Variants in EPB41L2 observed in about 807,000 individuals in gnomAD.
The protein encoded by EPB41L2 is band 4.1-like protein 2.
Under a neutral mutation model 113.0 loss-of-function variants are expected in EPB41L2, and 43 were observed. The ratio of observed to expected loss-of-function variants is 0.38; its 90% confidence interval spans 0.30 to 0.49. The LOEUF (loss-of-function observed/expected upper bound fraction) is 0.49, where lower values mean the gene tolerates loss of function less well. Ranked by LOEUF, EPB41L2 falls within the 20% of genes least tolerant of loss-of-function variation. EPB41L2 has a pLI of 0.95. For synonymous variants in EPB41L2, 442 were observed against 436.7 expected, an observed-to-expected ratio of 1.01 and a Z score of -0.15; for missense variants, 1,147 against 1,223.4, an observed-to-expected ratio of 0.94 and a Z score of 0.93.
chr6:131,058,873 G>A (rs1260025852), intron 1 of EPB41L2, among the ~76,000 whole-genome samples: 6 of 152,114 alleles, frequency 3.9e-5, no homozygotes, highest in Non-Finnish European at 5.9e-5. Flanking sequence ...AAAATTAGCC[G>A]GGCATGGTGG....
intron 1 of EPB41L2, among the ~76,000 whole-genome samples, chr6:131,014,905 G>A (rs1323768381): frequency 7.9e-5 from 12 of 152,102 alleles, no homozygotes; most frequent in African/African-American, 1.7e-4. Flanking sequence ...GAAGAAATCC[G>A]GAAAGCAAAC....
chr6:130,884,162 C>T (rs2128470287), intron 12 of EPB41L2, among the ~76,000 whole-genome samples: 1 of 152,046 alleles, frequency 6.6e-6, no homozygotes, highest in East Asian at 1.9e-4. Context: ...CGGTGAAACC[C>T]CGTCTCTCTA....
rs144287232 is a variant in EPB41L2 at position 130,924,536 on chromosome 6, G to C, written c.810+2069C>G. 8.9e-4 allele frequency among the ~76,000 whole-genome samples: 135 copies of C among 152,130 alleles called. 2 individuals carry two copies. The East Asian group carries it at 0.021, about 24-fold the overall frequency. On this transcript the variant is annotated intron_variant, in intron 4 of 19. Transcript: ENST00000337057. ...TGGGACTACAGGCGCATGCCACCATGCCCGACTAATTTTTGTATTTTTAAT... is the reference window on the plus strand; with the variant it reads ...TGGGACTACAGGCGCATGCCACCATCCCCGACTAATTTTTGTATTTTTAAT...
At chr6:130,907,656 C>T (rs1489268636) in intron 5 of EPB41L2, among the ~76,000 whole-genome samples, 1 of 151,626 alleles carries the variant, frequency 6.6e-6, no homozygotes, top group African/African-American at 2.4e-5. Context: ...AAGGTATATG[C>T]TCAGAATAAA....
chr6:130,844,556 C>T (rs1776419983), intron 19 of EPB41L2, among the ~76,000 whole-genome samples: 1 of 151,316 alleles, frequency 6.6e-6, no homozygotes, highest in African/African-American at 2.4e-5. Context: ...GGCCACAGAG[C>T]AAGACTGTCT....
chr6:130,954,036 C>CTTTTTTTTTTTTTTTTTTTTTTT (rs1816328530), intron 3 of EPB41L2, among the ~76,000 whole-genome samples: 2 of 45,524 alleles, frequency 4.4e-5, no homozygotes, highest in East Asian at 5.2e-4. Flanking sequence ...TAGTCCTTTT[C>CTTTTTTTTTTTTTTTTTTTTTTT]TTTCTTTTTT....
Position 130,869,963 on chromosome 6 carries a change from G to C in EPB41L2, c.2207C>G (p.Ser736Cys). Residue 736 changes from serine to cysteine, a missense_variant, in exon 15 of 20, where the codon TCC (serine) becomes TGC (cysteine). By Grantham distance (112) the Ser-to-Cys change is moderately radical. Coordinates refer to ENST00000337057, the MANE Select transcript of EPB41L2 (RefSeq NM_001431.4). Reference sequence around the variant, plus strand: ...GCTGCTGCTGCTCTCAGAAGACAGGGAGGTGGAGTCTTTTTGTGTCACAGG... The same window carrying C: ...GCTGCTGCTGCTCTCAGAAGACAGGCAGGTGGAGTCTTTTTGTGTCACAGG... The part of the protein sequence containing the change: ...VEPVTQKDST[S>C]LSSESSSSSS... 4 of 1,613,620 alleles carry C rather than the reference G, an allele frequency of 2.5e-6. No homozygotes were observed. The highest frequency in any genetic ancestry group is 3.4e-6 in the Non-Finnish European group (4 of 1,180,020).
At chr6:130,916,013 G>A (rs1352366474) in intron 4 of EPB41L2, among the ~76,000 whole-genome samples, 1 of 152,178 alleles carries the variant, frequency 6.6e-6, no homozygotes. Flanking sequence ...TCCAATTTTA[G>A]ATTACTATTT....
chr6:130,906,753 T>C (rs1797845820), intron 5 of EPB41L2, among the ~76,000 whole-genome samples: 1 of 152,184 alleles, frequency 6.6e-6, no homozygotes, highest in African/African-American at 2.4e-5. Context: ...AATAAAATTA[T>C]AGCAGACACC....
Position 130,877,986 on chromosome 6 carries a change from T to C in EPB41L2, c.2043+118A>G, listed in dbSNP as rs1051582370. 2.6e-5 allele frequency: 27 copies of C among 1,056,662 alleles called. No individual in the cohort carries two copies. The East Asian group carries it at 8.1e-4, about 32-fold the overall frequency. The allele number at this position is 1,056,662 out of a possible 1,614,324, so 65.5% of individuals were successfully genotyped here. On this transcript the variant is annotated intron_variant, in intron 14 of 19. Transcript: ENST00000337057. ...ATTTACAAAATTGTTAGTAATTACA[T>C]AAAAATAATTAAATGGGAACATTTT...
rs1163345890 is a variant in EPB41L2, at chr6:130,869,800, C to A, written c.2370G>T (p.Arg790Ser). Residue 790 changes from arginine to serine, a missense_variant, in exon 15 of 20, where the codon AGG becomes AGT. Coordinates refer to ENST00000337057, the MANE Select transcript of EPB41L2 (RefSeq NM_001431.4). ...EPRPAAKVVEREEAVPEASPV... is the reference protein window; with the variant it reads ...EPRPAAKVVESEEAVPEASPV... ...GGCTGGCTTCGGGCACTGCTTCCTC[C>A]CTCTCTACTACCTTGGCTGCCGGGC... 6.2e-7 allele frequency: 1 copy of A among 1,613,914 alleles called. No individual in the cohort carries two copies. Among genetic ancestry groups the A allele is most frequent in the Non-Finnish European group, 8.5e-7 (1 of 1,180,010 alleles).
intron 5 of EPB41L2, among the ~76,000 whole-genome samples, 199 bp downstream of exon 5, chr6:130,908,622 A>C (rs1583322601): frequency 1.3e-5 from 2 of 152,328 alleles, no homozygotes; most frequent in Admixed American, 1.3e-4. Flanking sequence ...TAGGAATGTG[A>C]GTCTAGAACC....
intron 1 of EPB41L2, among the ~76,000 whole-genome samples, chr6:131,040,090 G>A (rs899427928): frequency 3.3e-5 from 5 of 152,184 alleles, no homozygotes; most frequent in Admixed American, 6.5e-5. Context: ...TCTAGAGACT[G>A]GTTGCACAAC....
At chr6:130,845,843 G>A (rs561402485) in intron 19 of EPB41L2, among the ~76,000 whole-genome samples, 5 of 152,142 alleles carry the variant, frequency 3.3e-5, no homozygotes, top group Non-Finnish European at 7.3e-5. Context: ...GTATGCACAC[G>A]CCATTCCCGC....
chr6:130,990,178 G>A (rs1319477995), intron 1 of EPB41L2, among the ~76,000 whole-genome samples: 2 of 152,020 alleles, frequency 1.3e-5, no homozygotes, highest in South Asian at 2.1e-4. Flanking sequence ...AAAATTGGCC[G>A]AGTGTGGTGG....
chr6:131,027,672 C>T (rs909837642), intron 1 of EPB41L2, among the ~76,000 whole-genome samples: 1 of 152,272 alleles, frequency 6.6e-6, no homozygotes, highest in Admixed American at 6.5e-5. Context: ...TTTTATAACA[C>T]AGAGAATAAA....
At chr6:131,040,972 C>T (rs1358924384) in intron 1 of EPB41L2, among the ~76,000 whole-genome samples, 3 of 152,114 alleles carry the variant, frequency 2.0e-5, no homozygotes, top group Non-Finnish European at 4.4e-5. Context: ...CAACAGTTCA[C>T]CGTCATGAAA....
At chr6:131,043,846 T>C (rs1794900914) in intron 1 of EPB41L2, among the ~76,000 whole-genome samples, 1 of 152,130 alleles carries the variant, frequency 6.6e-6, no homozygotes. Context: ...AATGATGACA[T>C]GCCTGGGAAT....
intron 1 of EPB41L2, among the ~76,000 whole-genome samples, chr6:131,060,654 T>C (rs1337481345): frequency 6.6e-6 from 1 of 152,202 alleles, no homozygotes; most frequent in Non-Finnish European, 1.5e-5. Context: ...AACCTCCAAG[T>C]GCTAGCATTA....
Sources: gnomAD v4.1 joint callset for allele counts (sites outside exome capture counted in the v4.1 genomes callset) on GRCh38, gnomAD v4.1.1 for gene constraint, MANE v1.5 for transcripts, NCBI Gene and HGNC (gene_info 2026-07-23, HGNC 2026-07-21) for gene names.